Variants in DNAH12 observed in about 807,000 individuals in gnomAD.
The protein encoded by DNAH12 is dynein axonemal heavy chain 12.
Under a neutral mutation model 371.5 loss-of-function variants are expected in DNAH12, and 285 were observed. The observed-to-expected ratio is 0.77, with a 90% CI of 0.70 to 0.85. The LOEUF (loss-of-function observed/expected upper bound fraction) is 0.85, where lower values mean the gene tolerates loss of function less well. DNAH12 is among the 40% of genes least tolerant of loss of function. The pLI, the probability that DNAH12 is intolerant of heterozygous loss-of-function variation, is 0.00. For synonymous variants in DNAH12, 1,200 were observed against 1,213.0 expected, an observed-to-expected ratio of 0.99 and a Z score of 0.22; for missense variants, 3,611 against 3,689.4, an observed-to-expected ratio of 0.98 and a Z score of 0.55.
At chr3:57,494,351 G>C (rs2067235049) in intron 11 of DNAH12, among the ~76,000 whole-genome samples, 1 of 152,064 alleles carries the variant, frequency 6.6e-6, no homozygotes, top group Admixed American at 6.6e-5. Context: ...CCAGGAGTTT[G>C]AGACCAACCT....
chr3:57,445,115 TCACTA>T, intron 28 of DNAH12, 54 bp downstream of exon 28: 2 of 1,462,358 alleles, frequency 1.4e-6, no homozygotes, highest in Non-Finnish European at 1.8e-6. Context: ...CTGATTAACC[TCACTA>T]AAGAAAATTA....
chr3:57,469,299 C>T (rs7619855), intron 16 of DNAH12, among the ~76,000 whole-genome samples: 1,938 of 152,194 alleles, frequency 0.013, 27 homozygotes, highest in African/African-American at 0.044. Context: ...GCCAGAATGG[C>T]TATTATTAAA....
chr3:57,453,353 T>C lies in DNAH12; in HGVS notation c.3507A>G (p.Val1169=), dbSNP rs1319904039. The C allele has an allele frequency of 1.9e-6, 3 of 1,550,896 alleles. No homozygotes were observed. In the South Asian group the frequency reaches 3.6e-5, roughly 18 times the overall value. The change falls in exon 24 of 74, where the codon GTA becomes GTG. Residue 1169 remains valine (V), a synonymous_variant. Transcript: ENST00000495027. ...TAGACAACTTTCCTCTTACCAGCTCTACAATCTCATTCAGTTGGTTCTGAA... is the reference window on the plus strand; with the variant it reads ...TAGACAACTTTCCTCTTACCAGCTCCACAATCTCATTCAGTTGGTTCTGAA... The part of the protein sequence containing the change: ...KELQNQLNEI[V]ELVRGKLSKQ...
At chr3:57,468,423 G>A (rs768481391) in intron 17 of DNAH12, among the ~76,000 whole-genome samples, 2 of 152,030 alleles carry the variant, frequency 1.3e-5, no homozygotes, top group Non-Finnish European at 2.9e-5. Context: ...AGGAGTTTGA[G>A]ACCAGCCTGG....
intron 52 of DNAH12, among the ~76,000 whole-genome samples, chr3:57,377,652 C>T: frequency 6.6e-6 from 1 of 151,592 alleles, no homozygotes; most frequent in Non-Finnish European, 1.5e-5. Flanking sequence ...CAGACTGAGG[C>T]TTACATCTGC....
chr3:57,542,629 T>G (rs185898945), intron 2 of DNAH12, 72 bp downstream of exon 2: 1 of 1,473,312 alleles, frequency 6.8e-7, no homozygotes, highest in African/African-American at 1.4e-5. Context: ...GTTAAAACTT[T>G]TTAGGAGAAT....
intron 44 of DNAH12, among the ~76,000 whole-genome samples, chr3:57,392,651 G>A (rs1308538033): frequency 1.3e-5 from 2 of 151,830 alleles, no homozygotes; most frequent in Non-Finnish European, 2.9e-5. Flanking sequence ...GCTACGGGAA[G>A]ATAAGCAGGA....
At chr3:57,399,276 C>A (rs2063807726) in intron 43 of DNAH12, among the ~76,000 whole-genome samples, 1 of 151,930 alleles carries the variant, frequency 6.6e-6, no homozygotes, top group African/African-American at 2.4e-5. Flanking sequence ...AAAGAAGCTA[C>A]AAGACACACA....
intron 65 of DNAH12, among the ~76,000 whole-genome samples, chr3:57,319,376 C>T (rs1004652800): frequency 7.2e-5 from 11 of 152,094 alleles, no homozygotes; most frequent in Non-Finnish European, 1.0e-4. Context: ...TTTTTCTTGC[C>T]TAATTGTTCA....
chr3:57,329,327 G>A (rs1457706698), intron 62 of DNAH12, among the ~76,000 whole-genome samples: 2 of 127,370 alleles, frequency 1.6e-5, no homozygotes, highest in East Asian at 4.9e-4. Context: ...CAAGGCTACA[G>A]TAACAAAAAC....
chr3:57,360,427 G>A lies in DNAH12; in HGVS notation c.9361-3079C>T, dbSNP rs923111574. ...TGTCCAGCCAGGCACAGTGGCTCATGCCTGTAATCCCAGCACTTCGAGAGG... is the reference window on the plus strand; with the variant it reads ...TGTCCAGCCAGGCACAGTGGCTCATACCTGTAATCCCAGCACTTCGAGAGG... On this transcript the variant is annotated intron_variant, in intron 58 of 73. Coordinates refer to ENST00000495027, the MANE Select transcript of DNAH12 (RefSeq NM_001366028.2). 1.9e-4 allele frequency among the ~76,000 whole-genome samples: 29 copies of A among 152,294 alleles called. No homozygotes were observed. The South Asian group carries it at 4.6e-3, about 24-fold the overall frequency.
intron 4 of DNAH12, among the ~76,000 whole-genome samples, chr3:57,521,324 ATT>A (rs1207700309): frequency 3.3e-5 from 5 of 151,892 alleles, no homozygotes; most frequent in Non-Finnish European, 4.4e-5. Context: ...GCTTTCCGCC[ATT>A]CATTGAAAAG....
intron 11 of DNAH12, among the ~76,000 whole-genome samples, chr3:57,498,879 A>G (rs1575688840): frequency 2.0e-5 from 3 of 152,088 alleles, no homozygotes; most frequent in East Asian, 1.9e-4. Context: ...GGTGCCTGTA[A>G]TCCCAGCTAC....
chr3:57,381,432 C>T (rs1394264545), intron 50 of DNAH12, among the ~76,000 whole-genome samples: 2 of 151,974 alleles, frequency 1.3e-5, no homozygotes, highest in Non-Finnish European at 2.9e-5. Flanking sequence ...AGAATGGATA[C>T]TATGCCTTCC....
chr3:57,335,562 A>T (rs2062203165), intron 60 of DNAH12, among the ~76,000 whole-genome samples: 1 of 152,206 alleles, frequency 6.6e-6, no homozygotes, highest in African/African-American at 2.4e-5. Context: ...TGTTGCTCCT[A>T]GGCTATAAAT....
intron 59 of DNAH12, among the ~76,000 whole-genome samples, chr3:57,354,514 C>T (rs2062751910): frequency 1.7e-5 from 2 of 116,300 alleles, no homozygotes; most frequent in African/African-American, 6.5e-5. Context: ...AAAGAGTCCT[C>T]AATAAACCCT....
chr3:57,480,222 A>G (rs1212226274), intron 13 of DNAH12, among the ~76,000 whole-genome samples: 5 of 152,236 alleles, frequency 3.3e-5, no homozygotes, highest in Non-Finnish European at 7.3e-5. Flanking sequence ...GATGCAATAA[A>G]AAATGATAAA....
At chr3:57,414,900 G>A (rs1287985992) in intron 38 of DNAH12, among the ~76,000 whole-genome samples, 1 of 152,052 alleles carries the variant, frequency 6.6e-6, no homozygotes, top group Admixed American at 6.6e-5. Context: ...TGATAAAAAC[G>A]GCAATTAGAA....
chr3:57,402,698 A>G (rs4681978), intron 43 of DNAH12, among the ~76,000 whole-genome samples: 51,594 of 152,002 alleles, frequency 0.34, 9,341 homozygotes, highest in South Asian at 0.45. Flanking sequence ...AGGCAGACAG[A>G]GGAGGATAAA....
Sources: allele counts gnomAD v4.1 joint callset (sites outside exome capture counted in the v4.1 genomes callset), GRCh38; gene constraint gnomAD v4.1.1; transcripts MANE v1.5; gene names NCBI Gene and HGNC (gene_info 2026-07-23, HGNC 2026-07-21).